UBR3: variants seen among roughly 807,000 people sequenced by gnomAD.
UBR3 encodes the protein ubiquitin protein ligase E3 component n-recognin 3.
Under a neutral mutation model 243.2 loss-of-function variants are expected in UBR3, and 85 were observed. The ratio of observed to expected loss-of-function variants is 0.35; its 90% confidence interval spans 0.29 to 0.42. The LOEUF (loss-of-function observed/expected upper bound fraction) is 0.42, where lower values mean the gene tolerates loss of function less well. UBR3 is among the 10% of genes least tolerant of loss of function. UBR3 has a pLI of 1.00. For missense variants in UBR3, 1,686 were observed against 2,300.8 expected, an observed-to-expected ratio of 0.73 and a Z score of 5.47; for synonymous variants, 748 against 799.8, an observed-to-expected ratio of 0.94 and a Z score of 1.09.
intron 37 of UBR3, 122 bp downstream of exon 37, chr2:170,080,145 G>A: frequency 3.2e-6 from 3 of 938,152 alleles, no homozygotes; most frequent in South Asian, 1.8e-5. Context: ...TATAGGGATT[G>A]TGTGTGTTTT....
chr2:170,052,157 AC>A (rs1393975841), intron 32 of UBR3, among the ~76,000 whole-genome samples: 1 of 152,128 alleles, frequency 6.6e-6, no homozygotes, highest in African/African-American at 2.4e-5. Flanking sequence ...ATGAGATACC[AC>A]CATCACCCTC....
intron 10 of UBR3, among the ~76,000 whole-genome samples, chr2:169,912,104 A>G (rs1003685042): frequency 2.0e-5 from 3 of 152,328 alleles, no homozygotes; most frequent in Non-Finnish European, 4.4e-5. Context: ...GCTTTTTAAA[A>G]AGGCATATTT....
At chr2:169,944,860 G>A (rs1255082231) in intron 20 of UBR3, among the ~76,000 whole-genome samples, 1 of 152,136 alleles carries the variant, frequency 6.6e-6, no homozygotes, top group Non-Finnish European at 1.5e-5. Flanking sequence ...CTGGGGGTCT[G>A]AGGTCTGTGT....
intron 38 of UBR3, among the ~76,000 whole-genome samples, 193 bp from the exon 39 acceptor site, chr2:170,081,529 AAAAT>A (rs1226041069): frequency 1.3e-5 from 2 of 151,866 alleles, no homozygotes; most frequent in African/African-American, 4.8e-5. Context: ...AAAAAATAAA[AAAAT>A]AAAAAAAGGA....
chr2:170,004,590 C>T (rs745539873), intron 27 of UBR3, among the ~76,000 whole-genome samples: 1 of 152,054 alleles, frequency 6.6e-6, no homozygotes, highest in Non-Finnish European at 1.5e-5. Context: ...AGGTGAGTGA[C>T]TTGGCAGGTG....
chr2:169,951,333 G>A (rs2087018762), intron 23 of UBR3, among the ~76,000 whole-genome samples: 1 of 152,114 alleles, frequency 6.6e-6, no homozygotes, highest in African/African-American at 2.4e-5. Context: ...GCAGTTATGG[G>A]TTAAATGATC....
chr2:169,963,377 C>T (rs2087667192), intron 24 of UBR3, among the ~76,000 whole-genome samples: 1 of 152,146 alleles, frequency 6.6e-6, no homozygotes, highest in Non-Finnish European at 1.5e-5. Context: ...TTTTCTCTGT[C>T]ATCATGTCTC....
intron 24 of UBR3, among the ~76,000 whole-genome samples, chr2:169,959,658 A>G (rs764097172): frequency 2.0e-5 from 3 of 152,152 alleles, no homozygotes; most frequent in South Asian, 4.1e-4. Context: ...ACATCCCATG[A>G]TCAGCCATCT....
chr2:169,841,438 AG>A (rs955664211), intron 1 of UBR3, among the ~76,000 whole-genome samples: 1 of 152,180 alleles, frequency 6.6e-6, no homozygotes, highest in African/African-American at 2.4e-5. Context: ...GTGGCATTTG[AG>A]GAGCCCTTTA....
At chr2:169,908,335 T>C (rs980596540) in intron 10 of UBR3, among the ~76,000 whole-genome samples, 4 of 152,208 alleles carry the variant, frequency 2.6e-5, no homozygotes, top group African/African-American at 7.2e-5. Flanking sequence ...CTTTGAAATT[T>C]TAAAGTTTTC....
chr2:169,885,339 TG>T (rs2084049509), intron 5 of UBR3, among the ~76,000 whole-genome samples: 1 of 152,220 alleles, frequency 6.6e-6, no homozygotes, highest in South Asian at 2.1e-4. Context: ...CCCAGCACTT[TG>T]GGAGGCCGAG....
At chr2:170,070,039 A>C (rs1461960) in intron 35 of UBR3, among the ~76,000 whole-genome samples, 66,892 of 151,890 alleles carry the variant, frequency 0.44, 15,855 homozygotes, top group Non-Finnish European at 0.54. Flanking sequence ...GGTTGAGTAC[A>C]TGGATATGGA....
At chr2:169,862,374 A>G (rs2083123591) in intron 1 of UBR3, among the ~76,000 whole-genome samples, 1 of 152,180 alleles carries the variant, frequency 6.6e-6, no homozygotes, top group African/African-American at 2.4e-5. Context: ...AGAAATGTAT[A>G]TTTAGAAAAA....
intron 8 of UBR3, 70 bp downstream of exon 8, chr2:169,896,805 C>A (rs2084609270): frequency 9.5e-7 from 1 of 1,054,970 alleles, no homozygotes; most frequent in African/African-American, 1.6e-5. Context: ...TAGTGTACTT[C>A]ATATACTTAG....
chr2:170,040,730 C>T (rs1218563826), intron 31 of UBR3, 152 bp from the exon 32 acceptor site: 14 of 591,246 alleles, frequency 2.4e-5, no homozygotes, highest in Non-Finnish European at 3.3e-5. Flanking sequence ...AATTTTTTTG[C>T]AAAAAATATG....
At chr2:169,850,182 T>TC (rs1427219276) in intron 1 of UBR3, among the ~76,000 whole-genome samples, 2 of 144,258 alleles carry the variant, frequency 1.4e-5, no homozygotes, top group African/African-American at 5.2e-5. Flanking sequence ...TTTTTTTTTT[T>TC]TTTTTTTTTT....
intron 30 of UBR3, among the ~76,000 whole-genome samples, chr2:170,015,929 G>A (rs1464404645): frequency 6.6e-6 from 1 of 151,752 alleles, no homozygotes; most frequent in Non-Finnish European, 1.5e-5. Flanking sequence ...TGGCTTTGAT[G>A]CTATCATTTT....
At chr2:169,954,700 G>A (rs547959523) in intron 23 of UBR3, among the ~76,000 whole-genome samples, 104 of 151,264 alleles carry the variant, frequency 6.9e-4, no homozygotes, top group African/African-American at 2.4e-3. Context: ...TCAGCCTCCC[G>A]AGTAGCTGGG....
chr2:170,028,090 G>A (rs1009491009), intron 30 of UBR3, among the ~76,000 whole-genome samples: 1 of 151,902 alleles, frequency 6.6e-6, no homozygotes, highest in East Asian at 1.9e-4. Context: ...TTATAAATAG[G>A]AGATGAAACA....
Sources: gnomAD v4.1 joint callset for allele counts (sites outside exome capture counted in the v4.1 genomes callset) on GRCh38, gnomAD v4.1.1 for gene constraint, MANE v1.5 for transcripts, NCBI Gene and HGNC (gene_info 2026-07-23, HGNC 2026-07-21) for gene names.